IGSF21: variants seen among roughly 807,000 people sequenced by gnomAD.
IGSF21 encodes the protein immunoglobulin superfamily member 21.
Under a neutral mutation model 46.8 loss-of-function variants are expected in IGSF21, and 28 were observed. That is an observed-to-expected ratio of 0.60 (90% CI 0.44 to 0.82). The LOEUF is 0.82. IGSF21 is among the 40% of genes least tolerant of loss of function. IGSF21 has a pLI of 0.00. For synonymous variants in IGSF21, 284 were observed against 273.6 expected (o/e 1.04, Z -0.38); for missense variants, 624 against 665.5 (o/e 0.94, Z 0.69).
intron 4 of IGSF21, among the ~76,000 whole-genome samples, chr1:18,347,423 G>A (rs2085905462): frequency 6.6e-6 from 1 of 152,196 alleles, no homozygotes; most frequent in African/African-American, 2.4e-5. Flanking sequence ...ACTCCATGAA[G>A]CTGTCAGGAA....
At chr1:18,139,797 G>A (rs74958053) in intron 1 of IGSF21, among the ~76,000 whole-genome samples, 21,280 of 152,122 alleles carry the variant, frequency 0.14, 1,591 homozygotes, top group Middle Eastern at 0.17. Flanking sequence ...TCTGCTTACT[G>A]TGAATGAAAC....
rs151138676 is a variant in IGSF21 at position 18,357,979 on chromosome 1, A to G, written c.425-4136A>G. On this transcript the variant is annotated intron_variant, in intron 4 of 9. Coordinates refer to ENST00000251296, the MANE Select transcript of IGSF21 (RefSeq NM_032880.5). The stretch of plus-strand genomic sequence containing the variant: ...CTAATATAACGAGGGATGGAAACAC[A>G]GCTCCAGTCAGGGTCTGTGTGGGTG... Among the ~76,000 whole-genome samples, 376 of 152,312 alleles carry G rather than the reference A, an allele frequency of 2.5e-3. 1 individual carries two copies. Among genetic ancestry groups the G allele is most frequent in the African/African-American group, 8.7e-3 (361 of 41,546 alleles).
At chr1:18,274,942 G>A (rs767447846) in intron 2 of IGSF21, among the ~76,000 whole-genome samples, 15 of 152,246 alleles carry the variant, frequency 9.9e-5, no homozygotes, top group African/African-American at 3.6e-4. Flanking sequence ...CAAGAGAATC[G>A]CTTGAGCCTG....
chr1:18,227,812 C>T, intron 1 of IGSF21, 86 bp from the exon 2 acceptor site: 2 of 911,704 alleles, frequency 2.2e-6, no homozygotes, highest in Non-Finnish European at 3.6e-6. Context: ...CCTCCTCTGT[C>T]TGCTGTCTCC....
intron 4 of IGSF21, among the ~76,000 whole-genome samples, chr1:18,339,314 A>G (rs1391837213): frequency 6.6e-6 from 1 of 152,190 alleles, no homozygotes; most frequent in Non-Finnish European, 1.5e-5. Context: ...TAACTCCCAA[A>G]GGAAATTTCC....
At chr1:18,239,283 T>A (rs888065901) in intron 2 of IGSF21, among the ~76,000 whole-genome samples, 1 of 151,962 alleles carries the variant, frequency 6.6e-6, no homozygotes, top group African/African-American at 2.4e-5. Context: ...ATGAGGGATG[T>A]TTCCCAGCTC....
chr1:18,340,579 C>T (rs186380259), intron 4 of IGSF21, among the ~76,000 whole-genome samples: 7 of 152,276 alleles, frequency 4.6e-5, no homozygotes, highest in East Asian at 1.9e-4. Context: ...GTACAGAGGA[C>T]GAAACTAGTT....
chr1:18,371,886 G>A (rs896278213), intron 6 of IGSF21, among the ~76,000 whole-genome samples: 1 of 152,146 alleles, frequency 6.6e-6, no homozygotes, highest in Non-Finnish European at 1.5e-5. Context: ...TGTCTGAATC[G>A]CCCACAAGGT....
At chr1:18,359,387 G>GAAAGAA (rs1557659651) in intron 4 of IGSF21, among the ~76,000 whole-genome samples, 6 of 33,858 alleles carry the variant, frequency 1.8e-4, no homozygotes, top group Admixed American at 3.5e-4. Flanking sequence ...AGAAAGAAAG[G>GAAAGAA]AAGGAAGGAA....
intron 2 of IGSF21, among the ~76,000 whole-genome samples, chr1:18,238,865 G>A (rs551289744): frequency 6.6e-6 from 1 of 152,266 alleles, no homozygotes; most frequent in Admixed American, 6.5e-5. Context: ...CTGAGCTCCA[G>A]GATCTTCATA....
At chr1:18,278,301 G>A (rs943704048) in intron 2 of IGSF21, among the ~76,000 whole-genome samples, 4 of 151,474 alleles carry the variant, frequency 2.6e-5, no homozygotes, top group East Asian at 2.0e-4. Flanking sequence ...GGGCAGTGGC[G>A]CGATCTCAGC....
chr1:18,350,238 G>A (rs1223782185), intron 4 of IGSF21, among the ~76,000 whole-genome samples: 1 of 152,206 alleles, frequency 6.6e-6, no homozygotes, highest in Admixed American at 6.5e-5. Context: ...TCAAGAGCCA[G>A]ATGGGCCAGG....
intron 3 of IGSF21, among the ~76,000 whole-genome samples, chr1:18,330,995 A>G (rs1305717622): frequency 6.6e-6 from 1 of 152,224 alleles, no homozygotes; most frequent in Non-Finnish European, 1.5e-5. Context: ...TTCTGCATTT[A>G]CTAGGTTTTG....
chr1:18,181,674 G>A (rs1289850153), intron 1 of IGSF21, among the ~76,000 whole-genome samples: 1 of 152,086 alleles, frequency 6.6e-6, no homozygotes, highest in East Asian at 1.9e-4. Context: ...CCAAGGATTT[G>A]CAGAAGATGG....
chr1:18,172,709 T>C (rs1440744587), intron 1 of IGSF21, among the ~76,000 whole-genome samples: 2 of 152,338 alleles, frequency 1.3e-5, no homozygotes, highest in African/African-American at 2.4e-5. Flanking sequence ...TGCAGTCACA[T>C]TGGGGGTTAG....
intron 2 of IGSF21, among the ~76,000 whole-genome samples, chr1:18,251,292 A>C (rs2084838957): frequency 6.6e-6 from 1 of 152,218 alleles, no homozygotes; most frequent in Non-Finnish European, 1.5e-5. Flanking sequence ...TGTTGTGCAT[A>C]GACTGGACTG....
intron 1 of IGSF21, among the ~76,000 whole-genome samples, chr1:18,215,593 G>A (rs2084436417): frequency 6.6e-6 from 1 of 152,146 alleles, no homozygotes; most frequent in African/African-American, 2.4e-5. Context: ...CGGTCTTCCA[G>A]GCCAAAGGAA....
chr1:18,301,444 A>T (rs1307931776), intron 3 of IGSF21, among the ~76,000 whole-genome samples: 1 of 152,134 alleles, frequency 6.6e-6, no homozygotes, highest in East Asian at 1.9e-4. Context: ...GGTTTAAGAG[A>T]TTCTCCTGCC....
intron 2 of IGSF21, among the ~76,000 whole-genome samples, chr1:18,248,332 A>G (rs2084803912): frequency 6.6e-6 from 1 of 152,224 alleles, no homozygotes; most frequent in Non-Finnish European, 1.5e-5. Context: ...TGTACATCTC[A>G]AAACTTTGCA....
Sources: gnomAD v4.1 joint callset for allele counts (sites outside exome capture counted in the v4.1 genomes callset) on GRCh38, gnomAD v4.1.1 for gene constraint, MANE v1.5 for transcripts, NCBI Gene and HGNC (gene_info 2026-07-23, HGNC 2026-07-21) for gene names.